Variants in PECR observed in about 807,000 individuals in gnomAD.
PECR encodes the protein 2,4-dienoyl-CoA reductase-related protein.
PECR carries 30 observed loss-of-function variants against 35.3 expected under a neutral mutation model. The ratio of observed to expected loss-of-function variants is 0.85; its 90% CI spans 0.64 to 1.15. The LOEUF (loss-of-function observed/expected upper bound fraction) is 1.15. Among genes scored for constraint, PECR ranks in the 50% most tolerant of loss-of-function variants. The pLI is 0.00. For missense variants in PECR, 392 were observed against 370.8 expected (o/e 1.06, Z -0.47); for synonymous variants, 148 against 138.9 (o/e 1.07, Z -0.46).
chr2:216,044,658 T>C (rs1468448982), intron 6 of PECR, among the ~76,000 whole-genome samples: 3 of 152,108 alleles, frequency 2.0e-5, no homozygotes, highest in Admixed American at 2.0e-4. Flanking sequence ...ACTGCACCAC[T>C]ACATTCCAGC....
At chr2:216,070,826 C>T (rs1490096477) in intron 1 of PECR, among the ~76,000 whole-genome samples, 1 of 152,174 alleles carries the variant, frequency 6.6e-6, no homozygotes, top group Non-Finnish European at 1.5e-5. Flanking sequence ...TGCCTCATCA[C>T]AAGAAACACT....
intron 6 of PECR, among the ~76,000 whole-genome samples, chr2:216,044,847 T>C (rs754179289): frequency 9.2e-5 from 14 of 152,150 alleles, no homozygotes; most frequent in Non-Finnish European, 1.8e-4. Flanking sequence ...AGCTCTCACT[T>C]GAGGCTGTGG....
chr2:216,060,987 C>T (rs1331049844), intron 3 of PECR, among the ~76,000 whole-genome samples: 2 of 151,636 alleles, frequency 1.3e-5, no homozygotes, highest in Non-Finnish European at 2.9e-5. Flanking sequence ...GAAACTGAAT[C>T]GGGCAAGAAT....
intron 1 of PECR, among the ~76,000 whole-genome samples, chr2:216,078,180 C>T (rs957978870): frequency 6.6e-6 from 1 of 152,140 alleles, no homozygotes; most frequent in Non-Finnish European, 1.5e-5. Context: ...GCCTCCATGC[C>T]TGTAATCCTA....
intron 1 of PECR, among the ~76,000 whole-genome samples, chr2:216,078,373 G>A (rs1285852546): frequency 2.0e-5 from 3 of 151,756 alleles, no homozygotes; most frequent in Non-Finnish European, 2.9e-5. Context: ...GGCCAGGCCC[G>A]GTGGCTCACA....
At position 216,058,819 on chromosome 2, in the gene PECR, T is replaced by A; in HGVS notation, c.506+76A>T. The A allele has an allele frequency of 6.3e-6, 5 of 798,754 alleles. No individual in the cohort carries two copies. The South Asian group carries it at 7.1e-5, about 11-fold the overall frequency. The allele number at this position is 798,754 out of a possible 1,614,324, so 49.5% of individuals were successfully genotyped here. On this transcript the variant is annotated intron_variant, in intron 4 of 7. Coordinates refer to ENST00000265322, the MANE Select transcript of PECR (RefSeq NM_018441.6). ...GTATTAATGATCTTGATTTAAGAAA[T>A]GTTCCCTAACATGCTTCCCCCAATC...
Position 216,081,659 on chromosome 2 carries a change from G to A in PECR, c.83C>T (p.Thr28Met), listed in dbSNP as rs201164160. The change falls in exon 1 of 8, where the codon ACG (threonine) becomes ATG (methionine). Residue 28 changes from threonine (T) to methionine (M), a missense_variant. Transcript: ENST00000265322. The part of the protein sequence containing the change: ...GQVAIVTGGA[T>M]GIGKAIVKEL... ...CTTCACGATGGCTTTTCCGATGCCCGTGGCCCCGCCGGTGACGATGGCCAC... is the reference window on the plus strand; with the variant it reads ...CTTCACGATGGCTTTTCCGATGCCCATGGCCCCGCCGGTGACGATGGCCAC... 2 of 1,612,934 alleles carry A rather than the reference G, an allele frequency of 1.2e-6. No individual in the cohort carries two copies. Among genetic ancestry groups the A allele is most frequent in the South Asian group, 1.1e-5 (1 of 91,076 alleles).
intron 6 of PECR, among the ~76,000 whole-genome samples, chr2:216,047,261 G>GGA (rs1553560715): frequency 1.4e-5 from 2 of 142,380 alleles, no homozygotes; most frequent in Non-Finnish European, 3.1e-5. Flanking sequence ...TTCGTCTCAG[G>GGA]AAAAAAAAAA....
intron 1 of PECR, among the ~76,000 whole-genome samples, chr2:216,075,165 G>A (rs968764170): frequency 1.3e-5 from 2 of 152,260 alleles, no homozygotes; most frequent in Admixed American, 6.5e-5. Context: ...ATACTTGGGA[G>A]GTTGAGGCAG....
chr2:216,061,416 G>T (rs1452263695), intron 3 of PECR, among the ~76,000 whole-genome samples: 2 of 148,132 alleles, frequency 1.4e-5, no homozygotes, highest in Non-Finnish European at 3.0e-5. Context: ...ATTATCCACA[G>T]ATTACTTATA....
chr2:216,057,418 T>A (rs547503503), intron 4 of PECR, among the ~76,000 whole-genome samples: 1 of 152,254 alleles, frequency 6.6e-6, no homozygotes, highest in African/African-American at 2.4e-5. Context: ...GATATTTGCT[T>A]CATTTGAGAA....
chr2:216,065,159 A>G (rs891295411), intron 3 of PECR, 153 bp downstream of exon 3: 1 of 707,590 alleles, frequency 1.4e-6, no homozygotes, highest in Non-Finnish European at 2.6e-6. Flanking sequence ...TTGCCAAATT[A>G]CTATACTGAA....
intron 5 of PECR, among the ~76,000 whole-genome samples, chr2:216,050,018 G>C (rs143495551): frequency 7.3e-4 from 111 of 152,158 alleles, no homozygotes; most frequent in African/African-American, 2.4e-3. Flanking sequence ...AGGAGTTTGA[G>C]ACCAGCCTGG....
chr2:216,074,355 G>A (rs1040458873), intron 1 of PECR, among the ~76,000 whole-genome samples: 15 of 152,182 alleles, frequency 9.9e-5, no homozygotes, highest in Admixed American at 9.2e-4. Context: ...ACTAAGCCAC[G>A]AGAATTGCTT....
At chr2:216,055,576 C>G (rs1240908739) in intron 4 of PECR, among the ~76,000 whole-genome samples, 1 of 151,392 alleles carries the variant, frequency 6.6e-6, no homozygotes, top group Non-Finnish European at 1.5e-5. Context: ...AAATCCTCAT[C>G]ATTCTTGAGC....
At chr2:216,064,299 A>G (rs140561231) in intron 3 of PECR, among the ~76,000 whole-genome samples, 1 of 152,284 alleles carries the variant, frequency 6.6e-6, no homozygotes, top group African/African-American at 2.4e-5. Context: ...AGTTTCTTTT[A>G]CAGCTAGGTA....
chr2:216,035,887 G>A (rs1465173824), downstream of PECR, among the ~76,000 whole-genome samples: 1 of 152,182 alleles, frequency 6.6e-6, no homozygotes, highest in African/African-American at 2.4e-5. Flanking sequence ...CTACTAGCCA[G>A]TCCTTCACTA....
At chr2:216,070,205 C>G (rs1695560578) in intron 1 of PECR, among the ~76,000 whole-genome samples, 1 of 152,128 alleles carries the variant, frequency 6.6e-6, no homozygotes, top group South Asian at 2.1e-4. Flanking sequence ...AACTATACAT[C>G]TATGGGGTAA....
chr2:216,046,286 A>ACT (rs1694988435), intron 6 of PECR, among the ~76,000 whole-genome samples: 2 of 39,280 alleles, frequency 5.1e-5, no homozygotes, highest in African/African-American at 1.2e-4. Flanking sequence ...GTATATATAT[A>ACT]TACATACATA....
Sources: allele counts gnomAD v4.1 joint callset (sites outside exome capture counted in the v4.1 genomes callset), GRCh38; gene constraint gnomAD v4.1.1; transcripts MANE v1.5; gene names NCBI Gene and HGNC (gene_info 2026-07-23, HGNC 2026-07-21).